SLC25A21: variants seen among roughly 807,000 people sequenced by gnomAD.
SLC25A21 encodes the protein mitochondrial 2-oxodicarboxylate carrier.
Under a neutral mutation model 43.8 loss-of-function variants are expected in SLC25A21, and 47 were observed. The ratio of observed to expected loss-of-function variants is 1.07; its 90% CI spans 0.85 to 1.37. The LOEUF (loss-of-function observed/expected upper bound fraction) is 1.37, where lower values mean the gene tolerates loss of function less well. Ranked by LOEUF, SLC25A21 falls within the 40% of genes most tolerant of loss-of-function variation. The pLI is 0.00. For synonymous variants in SLC25A21, 131 were observed against 121.3 expected, an observed-to-expected ratio of 1.08 and a Z score of -0.52; for missense variants, 352 against 350.2, an observed-to-expected ratio of 1.00 and a Z score of -0.04.
At chr14:37,057,417 A>C (rs982127938) in intron 1 of SLC25A21, among the ~76,000 whole-genome samples, 2 of 152,208 alleles carry the variant, frequency 1.3e-5, no homozygotes, top group African/African-American at 4.8e-5. Context: ...TACAAAAAGG[A>C]CAAATTGTTA....
At chr14:36,820,456 T>G (rs1253282696) in intron 2 of SLC25A21, among the ~76,000 whole-genome samples, 1 of 152,166 alleles carries the variant, frequency 6.6e-6, no homozygotes, top group Non-Finnish European at 1.5e-5. Context: ...CACAATGCAC[T>G]AGGCTGTATA....
intron 1 of SLC25A21, among the ~76,000 whole-genome samples, chr14:36,956,309 T>A (rs777497860): frequency 2.0e-5 from 3 of 152,178 alleles, no homozygotes; most frequent in Non-Finnish European, 2.9e-5. Flanking sequence ...AGAACTTTAT[T>A]TATGTGAAGC....
At chr14:37,047,229 AG>A (rs1423213880) in intron 1 of SLC25A21, among the ~76,000 whole-genome samples, 3 of 152,216 alleles carry the variant, frequency 2.0e-5, no homozygotes, top group African/African-American at 7.2e-5. Context: ...GAAATTTAAA[AG>A]GGTATACTGC....
chr14:37,128,563 T>TGTGC (rs1242537939), intron 1 of SLC25A21, among the ~76,000 whole-genome samples: 7 of 151,246 alleles, frequency 4.6e-5, no homozygotes, highest in Non-Finnish European at 1.0e-4. Context: ...TGTGTGTGTG[T>TGTGC]GTGTGTGTGT....
intron 1 of SLC25A21, among the ~76,000 whole-genome samples, chr14:37,089,627 G>A (rs371482848): frequency 6.6e-6 from 1 of 152,258 alleles, no homozygotes; most frequent in East Asian, 1.9e-4. Context: ...GGGAGGGGAG[G>A]AGACTTTCTT....
At chr14:37,125,338 C>A (rs1963279001) in intron 1 of SLC25A21, among the ~76,000 whole-genome samples, 1 of 152,176 alleles carries the variant, frequency 6.6e-6, no homozygotes, top group Non-Finnish European at 1.5e-5. Flanking sequence ...TGAAAATATT[C>A]TCCAAGGGTC....
intron 3 of SLC25A21, among the ~76,000 whole-genome samples, chr14:36,770,303 G>A (rs984951356): frequency 2.6e-5 from 4 of 152,148 alleles, no homozygotes; most frequent in African/African-American, 9.7e-5. Flanking sequence ...TTACCTATAA[G>A]TGGGCGCTAA....
At chr14:37,111,678 G>A (rs1963022082) in intron 1 of SLC25A21, among the ~76,000 whole-genome samples, 1 of 152,154 alleles carries the variant, frequency 6.6e-6, no homozygotes, top group African/African-American at 2.4e-5. Flanking sequence ...GCTTAAGGTA[G>A]AGATTGCTAC....
rs1297365787 is a variant in SLC25A21, at chr14:36,977,359, C to CT, written c.71-102356_71-102355insA. ...GTCTCATATTCTTTGCTTAGAAGGC[C>CT]CCCCTGTACATAGTAAATGCTTGTG... On this transcript the variant is annotated intron_variant, in intron 1 of 9. Coordinates refer to ENST00000331299, the MANE Select transcript of SLC25A21 (RefSeq NM_030631.4). Among the ~76,000 whole-genome samples, 3 of 152,140 alleles carry CT rather than the reference C, an allele frequency of 2.0e-5. No individual in the cohort carries two copies. In the East Asian group the frequency reaches 5.8e-4, roughly 29 times the overall value.
chr14:37,063,402 A>C (rs1961992063), intron 1 of SLC25A21, among the ~76,000 whole-genome samples: 1 of 152,100 alleles, frequency 6.6e-6, no homozygotes, highest in African/African-American at 2.4e-5. Context: ...CGGGAGGCTG[A>C]GGCAGGAAAA....
intron 1 of SLC25A21, among the ~76,000 whole-genome samples, chr14:37,123,134 A>T (rs1397336956): frequency 6.6e-6 from 1 of 152,214 alleles, no homozygotes; most frequent in Non-Finnish European, 1.5e-5. Flanking sequence ...TGGCATCTTC[A>T]GCATTTGGAA....
intron 7 of SLC25A21, among the ~76,000 whole-genome samples, chr14:36,686,674 A>AAAAG (rs1251463872): frequency 6.6e-6 from 1 of 152,218 alleles, no homozygotes; most frequent in Admixed American, 6.5e-5. Context: ...ACATTCTGTG[A>AAAAG]AAAGATGCTT....
intron 3 of SLC25A21, among the ~76,000 whole-genome samples, chr14:36,776,330 G>C (rs6571760): frequency 7.1e-6 from 1 of 141,642 alleles, no homozygotes; most frequent in Non-Finnish European, 1.5e-5. Flanking sequence ...TCCGCCTCCC[G>C]GGTTCACGCC....
chr14:36,880,413 T>C (rs1341573693), intron 1 of SLC25A21, among the ~76,000 whole-genome samples: 3 of 152,196 alleles, frequency 2.0e-5, no homozygotes, highest in Non-Finnish European at 4.4e-5. Flanking sequence ...CTTCCACATA[T>C]GCTAATCTAA....
chr14:36,736,622 T>C (rs1486829793), intron 3 of SLC25A21, among the ~76,000 whole-genome samples: 2 of 144,448 alleles, frequency 1.4e-5, no homozygotes, highest in African/African-American at 5.0e-5. Context: ...CTGATTATTG[T>C]AGGAAAAAAA....
At chr14:36,810,624 G>C (rs1888206071) in intron 3 of SLC25A21, among the ~76,000 whole-genome samples, 1 of 152,128 alleles carries the variant, frequency 6.6e-6, no homozygotes, top group Middle Eastern at 3.2e-3. Flanking sequence ...ACTTCAGAGA[G>C]GTTAGTCTAT....
chr14:37,016,159 G>A (rs1423612989), intron 1 of SLC25A21, among the ~76,000 whole-genome samples: 3 of 151,988 alleles, frequency 2.0e-5, no homozygotes, highest in African/African-American at 4.8e-5. Context: ...TTTCTTCCAG[G>A]GTTTTTATGG....
chr14:37,088,495 T>C (rs1950376), intron 1 of SLC25A21, among the ~76,000 whole-genome samples: 22,819 of 152,218 alleles, frequency 0.15, 4,828 homozygotes, highest in African/African-American at 0.46. Context: ...AGACTAAGTC[T>C]CCAAGTGTGG....
intron 1 of SLC25A21, among the ~76,000 whole-genome samples, chr14:36,957,130 A>G (rs1959361881): frequency 6.6e-6 from 1 of 152,160 alleles, no homozygotes; most frequent in Admixed American, 6.5e-5. Flanking sequence ...AGTCCACCTC[A>G]TTACTTTAGA....
Sources: allele counts gnomAD v4.1 joint callset (sites outside exome capture counted in the v4.1 genomes callset), GRCh38; gene constraint gnomAD v4.1.1; transcripts MANE v1.5; gene names NCBI Gene and HGNC (gene_info 2026-07-23, HGNC 2026-07-21).